The following RNF125 variants were observed in gnomAD, a reference collection of about 807,000 sequenced individuals.
RNF125 encodes the protein E3 ubiquitin-protein ligase RNF125.
RNF125 carries 21 observed loss-of-function variants against 26.0 expected under a neutral mutation model. The observed-to-expected ratio is 0.81, with a 90% CI of 0.57 to 1.16. The LOEUF is 1.16. Ranked by LOEUF, RNF125 falls within the 50% of genes most tolerant of loss-of-function variation. RNF125 has a pLI of 0.00. For synonymous variants in RNF125, 95 were observed against 109.2 expected, an observed-to-expected ratio of 0.87 and a Z score of 0.81; for missense variants, 270 against 299.4, an observed-to-expected ratio of 0.90 and a Z score of 0.72.
In RNF125 at chr18:32,065,915, G is replaced by A. The variant is rs767749159; in HGVS notation, c.518G>A (p.Cys173Tyr). The A allele has an allele frequency of 6.2e-7, 1 of 1,610,930 alleles. No homozygotes were observed. Among genetic ancestry groups the A allele is most frequent in the African/African-American group, 1.3e-5 (1 of 74,802 alleles). ...GTTTGTTTCCAGTTCTGTCCACTTT[G>A]CCGTTTAATACCCGATGAGAATCCA... Reference protein sequence around the residue: ...SERRPVFCPLCRLIPDENPSS... With the variant: ...SERRPVFCPLYRLIPDENPSS... Residue 173 changes from cysteine (C) to tyrosine (Y), a missense_variant, in exon 5 of 6, where the codon TGC (cysteine) becomes TAC (tyrosine). By Grantham distance (194) the Cys-to-Tyr change is radical (BLOSUM62 -2). Transcript: ENST00000217740.
At chr18:32,044,056 G>T (rs1443177806) in intron 3 of RNF125, among the ~76,000 whole-genome samples, 1 of 151,788 alleles carries the variant, frequency 6.6e-6, no homozygotes, top group African/African-American at 2.4e-5. Context: ...ACCCAGGCTG[G>T]AGTGCAGCAG....
rs2039224612 is a variant in RNF125, at chr18:32,041,970, GTTGGA to G, written c.319-207_319-203del. On this transcript the variant is annotated intron_variant, in intron 2 of 5. Transcript: ENST00000217740. ...AAGAACCAAATTCAAGAACTTAACA[GTTGGA>G]TCTTCTAAGTATCGGAGAATTTGAA... 2.1e-5 allele frequency: 11 copies of G among 520,572 alleles called. No homozygotes were observed. The South Asian group carries it at 2.2e-4, about 10-fold the overall frequency. The allele number at this position is 520,572 out of a possible 1,614,324, so 32.2% of individuals were successfully genotyped here.
At chr18:32,050,279 T>C (rs2039311037) in intron 4 of RNF125, among the ~76,000 whole-genome samples, 1 of 152,128 alleles carries the variant, frequency 6.6e-6, no homozygotes, top group African/African-American at 2.4e-5. Flanking sequence ...TAAGAGCCAA[T>C]AGCTCCTTTT....
intron 1 of RNF125, among the ~76,000 whole-genome samples, chr18:32,020,927 AAAG>A (rs1303639433): frequency 6.6e-6 from 1 of 152,100 alleles, no homozygotes; most frequent in Non-Finnish European, 1.5e-5. Context: ...GAAAGAAAAA[AAAG>A]AAAGTTTTGA....
At chr18:32,043,799 T>TA (rs369306535) in intron 3 of RNF125, among the ~76,000 whole-genome samples, 1 of 152,216 alleles carries the variant, frequency 6.6e-6, no homozygotes, top group African/African-American at 2.4e-5. Flanking sequence ...TGATTTATGA[T>TA]AAAAATCTTT....
In RNF125 at chr18:32,025,634, A is replaced by T. The variant is rs143622630; in HGVS notation, c.164+6607A>T. 1.7e-3 allele frequency among the ~76,000 whole-genome samples: 243 copies of T among 140,744 alleles called. 11 individuals are homozygous for T. The East Asian group carries it at 0.043, about 25-fold the overall frequency. The allele number at this position is 140,744 out of a possible 152,430, so 92.3% of individuals were successfully genotyped here. On this transcript the variant is annotated intron_variant, in intron 1 of 5. Transcript: ENST00000217740. Reference sequence around the variant, plus strand: ...AGCCGAGATGGCGCCACTGCACTCTAGCCTGGGTGACAAGAGTGAAACTCT... The same window carrying T: ...AGCCGAGATGGCGCCACTGCACTCTTGCCTGGGTGACAAGAGTGAAACTCT...
At chr18:32,076,152 T>C (rs2039568991), downstream of RNF125, 4 of 567,534 alleles carry the variant, frequency 7.0e-6, no homozygotes, top group East Asian at 3.3e-5. Context: ...TGCTTCATTA[T>C]CACAGTTAGA....
intron 1 of RNF125, 106 bp downstream of exon 1, chr18:32,019,133 G>A (rs2038960965): frequency 7.2e-7 from 1 of 1,383,770 alleles, no homozygotes; most frequent in South Asian, 1.3e-5. Context: ...AGCCTCTTAG[G>A]AAATTGCTGC....
intron 1 of RNF125, among the ~76,000 whole-genome samples, chr18:32,025,664 C>CAAAAAAA (rs34054474): frequency 4.6e-5 from 3 of 65,184 alleles, no homozygotes; most frequent in Non-Finnish European, 1.1e-4. Flanking sequence ...AACTCTGTCT[C>CAAAAAAA]AAAAAAAAAA....
Position 32,059,720 on chromosome 18 carries a change from A to G in RNF125, c.505-6182A>G, listed in dbSNP as rs146348121. ...ATCAATGTCCTGGAGAGTTTCTCCAATGTTTTCTTTTAGTAGTTTCATAGT... is the reference window on the plus strand; with the variant it reads ...ATCAATGTCCTGGAGAGTTTCTCCAGTGTTTTCTTTTAGTAGTTTCATAGT... On this transcript the variant is annotated intron_variant, in intron 4 of 5. Coordinates refer to ENST00000217740, the MANE Select transcript of RNF125 (RefSeq NM_017831.4). 2.8e-3 allele frequency among the ~76,000 whole-genome samples: 426 copies of G among 152,180 alleles called. 1 individual carries two copies. Among genetic ancestry groups the G allele is most frequent in the African/African-American group, 9.3e-3 (385 of 41,518 alleles).
the RNF125 span, among the ~76,000 whole-genome samples, chr18:32,085,723 A>AAG: frequency 4.2e-3 from 615 of 146,152 alleles, 13 homozygotes; most frequent in African/African-American, 0.016. Flanking sequence ...AAAAAAAAAA[A>AAG]AGAGAGAGAG....
At chr18:32,023,841 G>C (rs953834483) in intron 1 of RNF125, among the ~76,000 whole-genome samples, 4 of 152,182 alleles carry the variant, frequency 2.6e-5, no homozygotes, top group African/African-American at 9.7e-5. Context: ...AGGATGGCTT[G>C]AGACCAGCAG....
At chr18:32,054,086 CTTTTTTTTTTTT>C (rs35616121) in intron 4 of RNF125, among the ~76,000 whole-genome samples, 23 of 88,364 alleles carry the variant, frequency 2.6e-4, no homozygotes, top group African/African-American at 8.9e-4. Context: ...GACATTTGTA[CTTTTTTTTTTTT>C]TTTTTTTTTT....
At chr18:32,043,017 C>T (rs1373254143) in intron 3 of RNF125, among the ~76,000 whole-genome samples, 5 of 151,748 alleles carry the variant, frequency 3.3e-5, no homozygotes, top group South Asian at 4.2e-4. Flanking sequence ...GGCGTGGTGG[C>T]GCACACCTGT....
intron 1 of RNF125, among the ~76,000 whole-genome samples, chr18:32,036,654 G>GA (rs2039159160): frequency 7.6e-6 from 1 of 132,202 alleles, no homozygotes. Flanking sequence ...AGAGGGGAGG[G>GA]GAGGGAGGAA....
chr18:32,023,240 C>A lies in RNF125; in HGVS notation c.164+4213C>A, dbSNP rs540930483. ...TGATCTCAGCTCGCTGCAACCTCTG[C>A]CTCCCAGGTTCAAGTGACTGTCCCG... On this transcript the variant is annotated intron_variant, in intron 1 of 5. Coordinates refer to ENST00000217740, the MANE Select transcript of RNF125 (RefSeq NM_017831.4). Among the ~76,000 whole-genome samples the A allele has an allele frequency of 1.4e-4, 21 of 152,306 alleles. No individual in the cohort carries two copies. In the South Asian group the frequency reaches 4.3e-3, roughly 32 times the overall value.
downstream of RNF125, among the ~76,000 whole-genome samples, chr18:32,077,465 G>A (rs934882142): frequency 1.5e-4 from 22 of 151,044 alleles, no homozygotes; most frequent in African/African-American, 4.4e-4. Flanking sequence ...GGGTTCAAGC[G>A]ATTCTCCTAC....
At chr18:32,021,005 G>C (rs1189222777) in intron 1 of RNF125, among the ~76,000 whole-genome samples, 1 of 152,204 alleles carries the variant, frequency 6.6e-6, no homozygotes, top group Non-Finnish European at 1.5e-5. Context: ...ACTACTGCCC[G>C]TCTGTGAGCC....
intron 1 of RNF125, among the ~76,000 whole-genome samples, chr18:32,025,412 C>G (rs988670626): frequency 6.7e-6 from 1 of 150,366 alleles, no homozygotes; most frequent in Non-Finnish European, 1.5e-5. Context: ...GCCTGTAATC[C>G]CAGCATTTTG....
Sources: gnomAD v4.1 joint callset for allele counts (sites outside exome capture counted in the v4.1 genomes callset) on GRCh38, gnomAD v4.1.1 for gene constraint, MANE v1.5 for transcripts, NCBI Gene and HGNC (gene_info 2026-07-23, HGNC 2026-07-21) for gene names.